Variants in RPGRIP1L observed in about 807,000 individuals in gnomAD.
The protein encoded by RPGRIP1L is RPGRIP1 like.
In RPGRIP1L, 131 loss-of-function variants were observed where a neutral mutation model predicts 160.4. The observed-to-expected ratio is 0.82, with a 90% CI of 0.71 to 0.94. The LOEUF (loss-of-function observed/expected upper bound fraction) is 0.94, where lower values mean the gene tolerates loss of function less well. RPGRIP1L is among the 40% of genes least tolerant of loss of function. The pLI is 0.00. For synonymous variants in RPGRIP1L, 510 were observed against 515.8 expected, an observed-to-expected ratio of 0.99 and a Z score of 0.15; for missense variants, 1,522 against 1,535.8, an observed-to-expected ratio of 0.99 and a Z score of 0.15.
At chr16:53,616,862 A>G (rs1255706855) in intron 24 of RPGRIP1L, among the ~76,000 whole-genome samples, 1 of 151,964 alleles carries the variant, frequency 6.6e-6, no homozygotes. Context: ...ACTTGAGGTC[A>G]GGAGTTTGAG....
At chr16:53,670,561 C>A (rs1968630568) in intron 9 of RPGRIP1L, among the ~76,000 whole-genome samples, 1 of 151,906 alleles carries the variant, frequency 6.6e-6, no homozygotes, top group Admixed American at 6.6e-5. Flanking sequence ...CTAATACTAC[C>A]AGAAGGGATT....
intron 1 of RPGRIP1L, among the ~76,000 whole-genome samples, chr16:53,703,029 G>A (rs1598440323): frequency 6.6e-6 from 1 of 152,196 alleles, no homozygotes; most frequent in Non-Finnish European, 1.5e-5. Flanking sequence ...AGCACTTTGC[G>A]AGGCCGAGAC....
chr16:53,607,912 T>C, intron 25 of RPGRIP1L: 2 of 861,934 alleles, frequency 2.3e-6, no homozygotes, highest in Non-Finnish European at 1.4e-6. Context: ...CACAAATCTT[T>C]TATCTTACTT....
intron 22 of RPGRIP1L, among the ~76,000 whole-genome samples, chr16:53,633,126 CTA>C (rs1254474750): frequency 5.9e-5 from 9 of 152,190 alleles, no homozygotes; most frequent in Admixed American, 6.6e-5. Flanking sequence ...CCTATGAAAG[CTA>C]TGTTTCACTG....
rs1259435988 is a variant in RPGRIP1L at position 53,598,856 on chromosome 16, T to C, written c.*3220A>G. ...TCACTTGATAATTTTTATCCCAAAATCTCTCTCCTGGTTGTTTTGTCCTAC... is the reference window on the plus strand; with the variant it reads ...TCACTTGATAATTTTTATCCCAAAACCTCTCTCCTGGTTGTTTTGTCCTAC... On this transcript the variant is annotated 3_prime_UTR_variant, in exon 27 of 27. Coordinates refer to ENST00000647211, the MANE Select transcript of RPGRIP1L (RefSeq NM_015272.5). The C allele has an allele frequency of 6.6e-6, 1 of 152,206 alleles. No homozygotes were observed. Among genetic ancestry groups the C allele is most frequent in the East Asian group, 1.9e-4 (1 of 5,200 alleles). 9.4% of individuals were successfully genotyped at this position (152,206 alleles called of 1,614,324 possible).
At chr16:53,679,399 A>ATT (rs796255961) in intron 6 of RPGRIP1L, among the ~76,000 whole-genome samples, 7 of 150,664 alleles carry the variant, frequency 4.6e-5, no homozygotes, top group Non-Finnish European at 8.9e-5. Flanking sequence ...TGGGAATCTG[A>ATT]TTTTTTTTTC....
chr16:53,664,745 G>C lies in RPGRIP1L; in HGVS notation c.1243+125C>G, dbSNP rs544001393. The C allele has an allele frequency of 2.0e-4, 215 of 1,069,308 alleles. No individual in the cohort carries two copies. The African/African-American group carries it at 2.7e-3, about 14-fold the overall frequency. 66.2% of individuals were successfully genotyped at this position (1,069,308 alleles called of 1,614,324 possible). ...ACTGAATTCATGAGAGTGGATGACTGTGTCTGTCCCTCATACATTGCGGGG... is the reference window on the plus strand; with the variant it reads ...ACTGAATTCATGAGAGTGGATGACTCTGTCTGTCCCTCATACATTGCGGGG... On this transcript the variant is annotated intron_variant, in intron 10 of 26. Coordinates refer to ENST00000647211, the MANE Select transcript of RPGRIP1L (RefSeq NM_015272.5).
chr16:53,701,902 G>C, intron 1 of RPGRIP1L: 1 of 152,100 alleles, frequency 6.6e-6, no homozygotes, highest in East Asian at 1.9e-4. Context: ...GAGAACCATT[G>C]CATTTTGCTT....
chr16:53,689,989 G>A (rs566918258), intron 4 of RPGRIP1L, among the ~76,000 whole-genome samples: 1 of 152,094 alleles, frequency 6.6e-6, no homozygotes, highest in Non-Finnish European at 1.5e-5. Flanking sequence ...AAACTCTCCT[G>A]TCTGAACAGC....
chr16:53,645,780 T>C lies in RPGRIP1L; in HGVS notation c.2528A>G (p.Tyr843Cys). 1 of 1,614,152 alleles carries C rather than the reference T, an allele frequency of 6.2e-7. No homozygotes were observed. Among genetic ancestry groups the C allele is most frequent in the Non-Finnish European group, 8.5e-7 (1 of 1,180,008 alleles). ...SNDPQFDDHM[Y>C]FPVPMNMDLD... The stretch of plus-strand genomic sequence containing the variant: ...GTCCATATTCATTGGCACTGGGAAA[T>C]ACATATGATCATCAAACTGTGGATC... Residue 843 changes from tyrosine to cysteine, a missense_variant, in exon 17 of 27, where the codon TAT becomes TGT. Coordinates refer to ENST00000647211, the MANE Select transcript of RPGRIP1L (RefSeq NM_015272.5).
chr16:53,618,972 A>G lies in RPGRIP1L; in HGVS notation c.3616+53T>C, dbSNP rs572422402. 4.3e-6 allele frequency: 6 copies of G among 1,403,088 alleles called. No homozygotes were observed. The South Asian group carries it at 4.7e-5, about 11-fold the overall frequency. The allele number at this position is 1,403,088 out of a possible 1,614,324, so 86.9% of individuals were successfully genotyped here. The stretch of plus-strand genomic sequence containing the variant: ...TCTCTCTGTTCTTTCCACTTCTTTC[A>G]TAAATAAAAAAGACAAACATAAAAG... On this transcript the variant is annotated intron_variant, in intron 24 of 26. Coordinates refer to ENST00000647211, the MANE Select transcript of RPGRIP1L (RefSeq NM_015272.5).
intron 22 of RPGRIP1L, among the ~76,000 whole-genome samples, chr16:53,625,523 G>C (rs562705130): frequency 7.0e-6 from 1 of 142,844 alleles, no homozygotes; most frequent in Non-Finnish European, 1.5e-5. Flanking sequence ...AGGGGGTGAG[G>C]GGGGGGCGCC....
rs1258535136 is a variant in RPGRIP1L at position 53,645,874 on chromosome 16, G to A, written c.2434C>T (p.His812Tyr). 6 of 1,614,034 alleles carry A rather than the reference G, an allele frequency of 3.7e-6. No individual in the cohort carries two copies. Among genetic ancestry groups the A allele is most frequent in the African/African-American group, 1.3e-5 (1 of 74,916 alleles). ...LQSRASHLQP[H>Y]PYVVYKFFDF... The stretch of plus-strand genomic sequence containing the variant: ...AAAAACTTGTACACAACATATGGGT[G>A]TGGCTGCAGGTGGCTTGCTCGGGAC... The change falls in exon 17 of 27, where the codon CAC becomes TAC. Residue 812 changes from histidine to tyrosine, a missense_variant. Transcript: ENST00000647211.
intron 6 of RPGRIP1L, among the ~76,000 whole-genome samples, chr16:53,676,800 T>C (rs948406174): frequency 5.9e-5 from 9 of 151,936 alleles, no homozygotes; most frequent in Non-Finnish European, 1.3e-4. Context: ...GCACAGCTGA[T>C]TTTTTTGTAT....
At chr16:53,680,990 T>C (rs1199787126) in intron 6 of RPGRIP1L, among the ~76,000 whole-genome samples, 1 of 152,232 alleles carries the variant, frequency 6.6e-6, no homozygotes, top group East Asian at 1.9e-4. Flanking sequence ...TGAAAGGTTA[T>C]GTGAGTGCTC....
intron 10 of RPGRIP1L, among the ~76,000 whole-genome samples, chr16:53,660,571 A>C (rs551872991): frequency 6.6e-6 from 1 of 152,042 alleles, no homozygotes; most frequent in African/African-American, 2.4e-5. Flanking sequence ...AAATAAAAAA[A>C]AAAAACCTGT....
chr16:53,608,025 A>T (rs1963794349), intron 25 of RPGRIP1L: 1 of 963,328 alleles, frequency 1.0e-6, no homozygotes, highest in Non-Finnish European at 1.2e-6. Flanking sequence ...GATGTCAAGC[A>T]CTCAGGTGGA....
intron 22 of RPGRIP1L, 59 bp downstream of exon 22, chr16:53,636,380 A>G: frequency 9.1e-7 from 1 of 1,093,568 alleles, no homozygotes; most frequent in East Asian, 2.4e-5. Flanking sequence ...CTACATATGT[A>G]CTGTGAATGA....
chr16:53,645,791 A>C lies in RPGRIP1L; in HGVS notation c.2517T>G (p.Asp839Glu). The C allele has an allele frequency of 1.2e-6, 2 of 1,614,124 alleles. No individual in the cohort carries two copies. Among genetic ancestry groups the C allele is most frequent in the Non-Finnish European group, 1.7e-6 (2 of 1,179,962 alleles). The change falls in exon 17 of 27, where the codon GAT becomes GAG. Residue 839 changes from aspartate (D) to glutamate (E), a missense_variant. By Grantham distance (45) the Asp-to-Glu change is conservative. Coordinates refer to ENST00000647211, the MANE Select transcript of RPGRIP1L (RefSeq NM_015272.5). Reference sequence around the variant, plus strand: ...TTGGCACTGGGAAATACATATGATCATCAAACTGTGGATCATTGCTACTGG... The same window carrying C: ...TTGGCACTGGGAAATACATATGATCCTCAAACTGTGGATCATTGCTACTGG... ...IIPSSNDPQF[D>E]DHMYFPVPMN...
Sources: allele counts gnomAD v4.1 joint callset (sites outside exome capture counted in the v4.1 genomes callset), GRCh38; gene constraint gnomAD v4.1.1; transcripts MANE v1.5; gene names NCBI Gene and HGNC (gene_info 2026-07-23, HGNC 2026-07-21).